CUX2: variants seen among roughly 807,000 people sequenced by gnomAD.
CUX2 encodes cut like homeobox 2, also known as homeobox protein cut-like 2.
CUX2 carries 40 observed loss-of-function variants against 144.8 expected under a neutral mutation model. That is an observed-to-expected ratio of 0.28 (90% CI 0.21 to 0.36). The LOEUF (loss-of-function observed/expected upper bound fraction) is 0.36. Ranked by LOEUF, CUX2 falls within the 10% of genes least tolerant of loss-of-function variation. The probability of loss-of-function intolerance (pLI) is 1.00; values close to 1 mark genes in which losing one functional copy is unlikely to be tolerated. For missense variants in CUX2, 1,615 were observed against 1,994.0 expected (o/e 0.81, Z 3.62); for synonymous variants, 827 against 875.6 (o/e 0.94, Z 0.98).
At chr12:111,238,777 G>T (rs1318565977) in intron 3 of CUX2, among the ~76,000 whole-genome samples, 1 of 152,196 alleles carries the variant, frequency 6.6e-6, no homozygotes, top group Non-Finnish European at 1.5e-5. Context: ...AGGCATGGTG[G>T]CTCACACCTG....
intron 3 of CUX2, among the ~76,000 whole-genome samples, chr12:111,229,708 G>T (rs1882363286): frequency 6.6e-6 from 1 of 151,870 alleles, no homozygotes; most frequent in Admixed American, 6.6e-5. Context: ...TCAAGACCAG[G>T]CTTGGTCTCT....
rs1886493512 is a variant in CUX2, at chr12:111,304,801, C to T, written c.858+487C>T. Among the ~76,000 whole-genome samples the T allele has an allele frequency of 6.6e-6, 1 of 152,316 alleles. No individual in the cohort carries two copies. The highest frequency in any genetic ancestry group is 1.9e-4 in the East Asian group (1 of 5,176). ...GTGCATGCTTGGGATGGTGATGCCC[C>T]TGCTGGTTTTCAGTCCCAAAACTGG... On this transcript the variant is annotated intron_variant, in intron 10 of 21. Coordinates refer to ENST00000261726, the MANE Select transcript of CUX2 (RefSeq NM_015267.4). This position sits in a 1 kb window ranked among gnomAD's most constrained non-coding sequence, Gnocchi z 4.7.
chr12:111,121,727 T>C (rs1874707576), intron 1 of CUX2, among the ~76,000 whole-genome samples: 1 of 152,142 alleles, frequency 6.6e-6, no homozygotes. Context: ...AACAGGATTT[T>C]AAGATAATTT....
At chr12:111,345,769 A>G (rs1888777846) in intron 21 of CUX2, among the ~76,000 whole-genome samples, 1 of 151,870 alleles carries the variant, frequency 6.6e-6, no homozygotes, top group African/African-American at 2.4e-5. Flanking sequence ...CGAAAAAGAA[A>G]AAAAAAGGCA....
chr12:111,093,118 G>A (rs1184444275), intron 1 of CUX2, among the ~76,000 whole-genome samples: 1 of 152,146 alleles, frequency 6.6e-6, no homozygotes, highest in Non-Finnish European at 1.5e-5. Context: ...ACCAGGCCAG[G>A]CCCAACAGAT....
intron 4 of CUX2, among the ~76,000 whole-genome samples, chr12:111,280,684 C>T (rs1038605837): frequency 3.3e-5 from 5 of 152,142 alleles, no homozygotes; most frequent in African/African-American, 9.7e-5. Flanking sequence ...GCCAGCAATC[C>T]TTGGCACTCC....
intron 1 of CUX2, among the ~76,000 whole-genome samples, chr12:111,170,293 G>A (rs1437740883): frequency 1.3e-5 from 2 of 152,128 alleles, no homozygotes; most frequent in Non-Finnish European, 2.9e-5. Flanking sequence ...GCCGGGAGTG[G>A]TGGCACATGC....
intron 1 of CUX2, among the ~76,000 whole-genome samples, chr12:111,181,204 T>G (rs1879153325): frequency 6.6e-6 from 1 of 152,238 alleles, no homozygotes; most frequent in South Asian, 2.1e-4. Context: ...CACAGGAGTT[T>G]CATTGCAGCA....
At chr12:111,225,501 T>C (rs1230574832) in intron 3 of CUX2, among the ~76,000 whole-genome samples, 2 of 152,178 alleles carry the variant, frequency 1.3e-5, no homozygotes, top group African/African-American at 4.8e-5. Flanking sequence ...TTGTCCCCTT[T>C]TATAGGTGTA....
intron 3 of CUX2, among the ~76,000 whole-genome samples, chr12:111,238,407 A>C (rs1882865995): frequency 6.6e-6 from 1 of 152,218 alleles, no homozygotes; most frequent in African/African-American, 2.4e-5. Flanking sequence ...TCTATGTTCC[A>C]GACAACACTC....
intron 1 of CUX2, among the ~76,000 whole-genome samples, chr12:111,079,128 C>T (rs188625940): frequency 1.6e-4 from 24 of 152,332 alleles, no homozygotes; most frequent in Non-Finnish European, 3.4e-4. Flanking sequence ...ATCTCACTGC[C>T]TTTTACAAAC....
At chr12:111,147,780 A>G (rs1021664371) in intron 1 of CUX2, among the ~76,000 whole-genome samples, 1 of 152,176 alleles carries the variant, frequency 6.6e-6, no homozygotes, top group Non-Finnish European at 1.5e-5. Context: ...TGCCACAGCA[A>G]AGGTAGCAAA....
intron 1 of CUX2, among the ~76,000 whole-genome samples, chr12:111,121,369 CTTTTTTTTTTTTTT>C (rs5800920): frequency 1.7e-5 from 1 of 59,038 alleles, no homozygotes; most frequent in Non-Finnish European, 3.2e-5. Flanking sequence ...TTTCTTTTTT[CTTTTTTTTTTTTTT>C]TTTTTTTTTT....
At position 111,255,533 on chromosome 12, in the gene CUX2, G is replaced by A. The variant is rs1262347703; in HGVS notation, c.223-8228G>A. Among the ~76,000 whole-genome samples, 1 of 152,126 alleles carries A rather than the reference G, an allele frequency of 6.6e-6. No homozygotes were observed. The highest frequency in any genetic ancestry group is 1.5e-5 in the Non-Finnish European group (1 of 68,042). On this transcript the variant is annotated intron_variant, in intron 3 of 21. Transcript: ENST00000261726. This position sits in a 1 kb window ranked among gnomAD's most constrained non-coding sequence, Gnocchi z 4.1. ...TCCAGCTCTTTTGGTTATTCCAGGT[G>A]CTTCCACCAGCCCCCAACCAAAGAA...
chr12:111,261,666 C>T (rs1282668742), intron 3 of CUX2, among the ~76,000 whole-genome samples: 5 of 152,066 alleles, frequency 3.3e-5, no homozygotes, highest in African/African-American at 1.2e-4. Context: ...TGTGGGAGGC[C>T]GAGGTGGGCA....
intron 20 of CUX2, among the ~76,000 whole-genome samples, chr12:111,340,057 A>G (rs1040453233): frequency 6.6e-6 from 1 of 152,178 alleles, no homozygotes; most frequent in Non-Finnish European, 1.5e-5. Flanking sequence ...TTAGCTGGGC[A>G]TGGTGATGCA....
At chr12:111,182,830 C>T (rs1879272546) in intron 1 of CUX2, among the ~76,000 whole-genome samples, 2 of 152,158 alleles carry the variant, frequency 1.3e-5, no homozygotes, top group Non-Finnish European at 2.9e-5. Context: ...CATTCAAGTG[C>T]CCCCAAAAGG....
rs192449910 is a variant in CUX2 at position 111,098,269 on chromosome 12, G to A, written c.63+64029G>A. ...ATAAAAATTAACCGGGTGTGGTGGT[G>A]CCTGCCTGTAATCCCAGCTACTTGG... On this transcript the variant is annotated intron_variant, in intron 1 of 21. Transcript: ENST00000261726. Among the ~76,000 whole-genome samples the A allele has an allele frequency of 6.4e-3, 980 of 152,210 alleles. 12 individuals carry two copies. The highest frequency in any genetic ancestry group is 0.022 in the African/African-American group (922 of 41,524).
At chr12:111,290,041 CCTCAGAGCGATGGAT>C in intron 4 of CUX2, among the ~76,000 whole-genome samples, 1 of 152,202 alleles carries the variant, frequency 6.6e-6, no homozygotes. Context: ...GGAAGATTGG[CCTCAGAGCGATGGAT>C]CTCAGAGCAG....
Sources: gnomAD v4.1 joint callset for allele counts (sites outside exome capture counted in the v4.1 genomes callset) on GRCh38, gnomAD v4.1.1 for gene constraint, Gnocchi (gnomAD v3.1) non-coding constraint, MANE v1.5 for transcripts, NCBI Gene and HGNC (gene_info 2026-07-23, HGNC 2026-07-21) for gene names.